The following TECRL variants were observed in gnomAD, a reference collection of about 807,000 sequenced individuals.
The protein encoded by TECRL is trans-2,3-enoyl-CoA reductase like.
In TECRL, 63 loss-of-function variants were observed where a neutral mutation model predicts 52.8. The ratio of observed to expected loss-of-function variants is 1.19; its 90% confidence interval spans 0.97 to 1.47. The LOEUF (loss-of-function observed/expected upper bound fraction) is 1.47. TECRL is among the 40% of genes most tolerant of loss of function. The probability of loss-of-function intolerance (pLI) is 0.00; values close to 1 mark genes in which losing one functional copy is unlikely to be tolerated. For synonymous variants in TECRL, 164 were observed against 141.9 expected, an observed-to-expected ratio of 1.16 and a Z score of -1.10; for missense variants, 482 against 429.6, an observed-to-expected ratio of 1.12 and a Z score of -1.08.
In TECRL at chr4:64,280,203, G is replaced by T. The variant is rs1304519532; in HGVS notation, c.965-4C>A. The T allele has an allele frequency of 2.0e-6, 3 of 1,482,216 alleles. No homozygotes were observed. Among genetic ancestry groups the T allele is most frequent in the South Asian group, 1.4e-5 (1 of 70,082 alleles). 91.8% of individuals were successfully genotyped at this position (1,482,216 alleles called of 1,614,324 possible). ...ATCAGAAGTGTAAAAATTCCAACTA[G>T]AAGAAAAAAGAAATAATTATTATTT... On this transcript the variant is annotated splice_region_variant and splice_polypyrimidine_tract_variant and intron_variant, in intron 11 of 11. Coordinates refer to ENST00000381210, the MANE Select transcript of TECRL (RefSeq NM_001010874.5).
At chr4:64,380,490 G>C (rs1164594808) in intron 1 of TECRL, among the ~76,000 whole-genome samples, 1 of 151,860 alleles carries the variant, frequency 6.6e-6, no homozygotes, top group Admixed American at 6.6e-5. Flanking sequence ...CTAATGTTCT[G>C]AATCTTTTCT....
chr4:64,377,109 G>A (rs1722451299), intron 1 of TECRL, among the ~76,000 whole-genome samples: 1 of 151,822 alleles, frequency 6.6e-6, no homozygotes, highest in East Asian at 1.9e-4. Context: ...ACCTTCATGT[G>A]GAATAGGGAT....
At position 64,306,251 on chromosome 4, in the gene TECRL, C is replaced by T. The variant is rs534254271; in HGVS notation, c.658-1013G>A. Among the ~76,000 whole-genome samples, 25 of 152,222 alleles carry T rather than the reference C, an allele frequency of 1.6e-4. No individual in the cohort carries two copies. The South Asian group carries it at 2.1e-3, about 13-fold the overall frequency. On this transcript the variant is annotated intron_variant, in intron 6 of 11. Transcript: ENST00000381210. ...TTACCAATGAGGACTTTGTCAAAACCTCTTCATCCGTGGGTGTTGGGAATG... is the reference window on the plus strand; with the variant it reads ...TTACCAATGAGGACTTTGTCAAAACTTCTTCATCCGTGGGTGTTGGGAATG...
chr4:64,334,461 T>C (rs757085034), intron 2 of TECRL, among the ~76,000 whole-genome samples: 1 of 152,196 alleles, frequency 6.6e-6, no homozygotes, highest in Non-Finnish European at 1.5e-5. Context: ...AGATGTATGA[T>C]AGTGTTTATC....
intron 2 of TECRL, among the ~76,000 whole-genome samples, chr4:64,338,303 A>G (rs1719274690): frequency 6.6e-6 from 1 of 152,236 alleles, no homozygotes. Context: ...AAAGACTTAC[A>G]TGTTAGACCT....
At chr4:64,373,467 C>G (rs1722121404) in intron 2 of TECRL, among the ~76,000 whole-genome samples, 1 of 151,734 alleles carries the variant, frequency 6.6e-6, no homozygotes, top group South Asian at 2.1e-4. Flanking sequence ...GTATTAGAAG[C>G]AGGCTCTAAA....
At chr4:64,404,465 A>T (rs1410214782) in intron 1 of TECRL, among the ~76,000 whole-genome samples, 1 of 152,044 alleles carries the variant, frequency 6.6e-6, no homozygotes, top group Non-Finnish European at 1.5e-5. Flanking sequence ...TATTTTTAAA[A>T]TTTATTTTTC....
intron 1 of TECRL, among the ~76,000 whole-genome samples, chr4:64,399,149 AC>A (rs35510938): frequency 0.64 from 97,275 of 151,852 alleles, 32,442 homozygotes; most frequent in Non-Finnish European, 0.74. Flanking sequence ...AAGAGGCTTT[AC>A]TGGCCCAACC....
At chr4:64,323,035 T>C (rs1228780573) in intron 3 of TECRL, among the ~76,000 whole-genome samples, 1 of 152,104 alleles carries the variant, frequency 6.6e-6, no homozygotes, top group Non-Finnish European at 1.5e-5. Context: ...CTACCATTAG[T>C]TACTATCCTA....
intron 1 of TECRL, among the ~76,000 whole-genome samples, chr4:64,383,851 T>C (rs1010203921): frequency 1.3e-5 from 2 of 152,130 alleles, no homozygotes; most frequent in Non-Finnish European, 1.5e-5. Flanking sequence ...GATGTAACAG[T>C]TGCTTCTTCT....
chr4:64,370,092 G>C (rs1156702146), intron 2 of TECRL, among the ~76,000 whole-genome samples: 1 of 151,804 alleles, frequency 6.6e-6, no homozygotes, highest in East Asian at 1.9e-4. Context: ...GAACAAACAT[G>C]GAGAAAGGTA....
At chr4:64,323,014 CA>C (rs1286917156) in intron 3 of TECRL, among the ~76,000 whole-genome samples, 2 of 152,038 alleles carry the variant, frequency 1.3e-5, no homozygotes, top group Admixed American at 6.6e-5. Context: ...ACCATCTACC[CA>C]AAATTTAGAC....
intron 1 of TECRL, among the ~76,000 whole-genome samples, chr4:64,388,549 T>C (rs1939034937): frequency 1.3e-5 from 2 of 152,048 alleles, no homozygotes; most frequent in South Asian, 2.1e-4. Context: ...AGTTTGCTAA[T>C]ATGCACAAAA....
intron 2 of TECRL, among the ~76,000 whole-genome samples, chr4:64,341,584 G>A (rs1577902698): frequency 6.6e-6 from 1 of 151,862 alleles, no homozygotes; most frequent in East Asian, 1.9e-4. Context: ...CAGCCTGGGC[G>A]ACAAGAGTAA....
At chr4:64,380,560 T>C (rs987793153) in intron 1 of TECRL, among the ~76,000 whole-genome samples, 19 of 152,086 alleles carry the variant, frequency 1.2e-4, no homozygotes, top group Admixed American at 9.8e-4. Context: ...TTCCAATCAA[T>C]TTTCAGTTGA....
intron 2 of TECRL, among the ~76,000 whole-genome samples, chr4:64,338,623 G>T (rs536895077): frequency 6.6e-6 from 1 of 152,090 alleles, no homozygotes; most frequent in African/African-American, 2.4e-5. Context: ...GTGGGCAAAG[G>T]ATATGAACAG....
intron 2 of TECRL, among the ~76,000 whole-genome samples, chr4:64,369,044 T>A (rs1031779599): frequency 1.3e-5 from 2 of 152,208 alleles, no homozygotes; most frequent in African/African-American, 2.4e-5. Context: ...TTCTGGGAAC[T>A]GCTTAGACAA....
At chr4:64,382,234 TAG>T (rs1342363223) in intron 1 of TECRL, among the ~76,000 whole-genome samples, 10 of 2,394 alleles carry the variant, frequency 4.2e-3, no homozygotes, top group Admixed American at 8.5e-3. Context: ...TATATATATA[TAG>T]TATTATGTAT....
intron 2 of TECRL, among the ~76,000 whole-genome samples, chr4:64,350,481 A>G (rs1577917153): frequency 6.6e-6 from 1 of 152,322 alleles, no homozygotes; most frequent in East Asian, 1.9e-4. Flanking sequence ...GGATGTTTCT[A>G]TGAAGGTGTT....
Sources: gnomAD v4.1 joint callset for allele counts (sites outside exome capture counted in the v4.1 genomes callset) on GRCh38, gnomAD v4.1.1 for gene constraint, MANE v1.5 for transcripts, NCBI Gene and HGNC (gene_info 2026-07-23, HGNC 2026-07-21) for gene names.